The following TMOD1 variants were observed in gnomAD, a reference collection of about 807,000 sequenced individuals.
TMOD1 encodes the protein tropomodulin 1.
TMOD1 carries 17 observed loss-of-function variants against 40.6 expected under a neutral mutation model. The ratio of observed to expected loss-of-function variants is 0.42; its 90% CI spans 0.29 to 0.63. The LOEUF is 0.63. Ranked by LOEUF, TMOD1 falls within the 20% of genes least tolerant of loss-of-function variation. The pLI is 0.22. For missense variants in TMOD1, 391 were observed against 447.6 expected, an observed-to-expected ratio of 0.87 and a Z score of 1.14; for synonymous variants, 181 against 175.0, an observed-to-expected ratio of 1.03 and a Z score of -0.27.
chr9:97,579,995 A>G lies in TMOD1; in HGVS notation c.870+10958A>G, dbSNP rs1160500197. On this transcript the variant is annotated intron_variant, in intron 8 of 9. Coordinates refer to ENST00000259365, the MANE Select transcript of TMOD1 (RefSeq NM_003275.4). ...ATCTCTGTCTGCACCAGGTACCATT[A>G]TCAGACTGCCAGAGATAAACAGGCC... Among the ~76,000 whole-genome samples the G allele has an allele frequency of 2.6e-4, 40 of 152,110 alleles. 1 individual carries two copies. Among genetic ancestry groups the G allele is most frequent in the Admixed American group, 2.6e-3 (40 of 15,272 alleles).
At chr9:97,526,509 G>A (rs1045764791) in intron 2 of TMOD1, among the ~76,000 whole-genome samples, 1 of 152,140 alleles carries the variant, frequency 6.6e-6, no homozygotes, top group African/African-American at 2.4e-5. Flanking sequence ...GATAATCAAA[G>A]TTACTGAACT....
At chr9:97,552,942 C>A (rs1457237987) in intron 3 of TMOD1, among the ~76,000 whole-genome samples, 2 of 152,180 alleles carry the variant, frequency 1.3e-5, no homozygotes, top group Non-Finnish European at 2.9e-5. Context: ...GGTCTCAGAA[C>A]CTTTGGTTAA....
At chr9:97,579,350 A>G (rs1348041024) in intron 8 of TMOD1, among the ~76,000 whole-genome samples, 2 of 152,102 alleles carry the variant, frequency 1.3e-5, no homozygotes, top group Non-Finnish European at 2.9e-5. Context: ...CCGAGAGCTC[A>G]TGGTCTACAG....
intron 1 of TMOD1, among the ~76,000 whole-genome samples, chr9:97,516,981 T>C (rs1829820587): frequency 6.6e-6 from 1 of 152,098 alleles, no homozygotes; most frequent in African/African-American, 2.4e-5. Flanking sequence ...AAATGGCAAA[T>C]TTTATGTTTT....
rs1258084387 is a variant in TMOD1, at chr9:97,559,803, A to C, written c.398-2929A>C. ...AAAAAAAAAAAAAAAAAATATATATATATATATATATATATATATATGTCT... is the reference window on the plus strand; with the variant it reads ...AAAAAAAAAAAAAAAAAATATATATCTATATATATATATATATATATGTCT... On this transcript the variant is annotated intron_variant, in intron 4 of 9. Coordinates refer to ENST00000259365, the MANE Select transcript of TMOD1 (RefSeq NM_003275.4). Among the ~76,000 whole-genome samples, 130 of 30,992 alleles carry C rather than the reference A, an allele frequency of 4.2e-3. 5 individuals carry two copies. Among genetic ancestry groups the C allele is most frequent in the East Asian group, 5.2e-3 (5 of 964 alleles). 20.3% of individuals were successfully genotyped at this position (30,992 alleles called of 152,430 possible).
chr9:97,515,740 C>T (rs1829794966), intron 1 of TMOD1, among the ~76,000 whole-genome samples: 1 of 152,080 alleles, frequency 6.6e-6, no homozygotes, highest in Non-Finnish European at 1.5e-5. Flanking sequence ...ACAGGGGATC[C>T]TTAGGGGAAG....
intron 2 of TMOD1, among the ~76,000 whole-genome samples, chr9:97,529,531 C>A (rs1444401158): frequency 4.1e-5 from 6 of 146,202 alleles, no homozygotes; most frequent in African/African-American, 1.6e-4. Flanking sequence ...AACTTGTGCA[C>A]GTTAAAAAAA....
Position 97,563,167 on chromosome 9 carries a change from C to T in TMOD1, c.487+346C>T, listed in dbSNP as rs117231843. On this transcript the variant is annotated intron_variant, in intron 5 of 9. Transcript: ENST00000259365. ...CTCCTGGGCTTAAGCGATCCTCCCA[C>T]CTCTGCCTCCTGAGTAGCTGAGGCT... 1.3e-3 allele frequency among the ~76,000 whole-genome samples: 204 copies of T among 152,342 alleles called. 1 individual carries two copies. In the East Asian group the frequency reaches 0.035, roughly 26 times the overall value.
intron 1 of TMOD1, among the ~76,000 whole-genome samples, chr9:97,520,246 C>G (rs940333947): frequency 6.6e-6 from 1 of 152,018 alleles, no homozygotes; most frequent in Non-Finnish European, 1.5e-5. Context: ...CAAGGGTCAC[C>G]CAGGGAATTA....
chr9:97,563,940 C>T, intron 5 of TMOD1, 98 bp from the exon 6 acceptor site: 1 of 1,508,458 alleles, frequency 6.6e-7, no homozygotes. Flanking sequence ...CCTCACGTGC[C>T]CCAACCCTGC....
chr9:97,527,578 G>A (rs1830036449), intron 2 of TMOD1, among the ~76,000 whole-genome samples: 2 of 152,062 alleles, frequency 1.3e-5, no homozygotes, highest in South Asian at 4.2e-4. Context: ...TTGGGGATGG[G>A]AATCTTAGTG....
rs1173851019 is a variant in TMOD1 at position 97,513,546 on chromosome 9, T to A, written c.-48-10595T>A. ...GGGTGGTGGATGAAGAGAGGACGGG[T>A]GTGACATTATCCCAGGATCTCTGTG... On this transcript the variant is annotated intron_variant, in intron 1 of 9. Coordinates refer to ENST00000259365, the MANE Select transcript of TMOD1 (RefSeq NM_003275.4). This position sits in a 1 kb window ranked among gnomAD's most constrained non-coding sequence, Gnocchi z 4.1. 1 of 152,138 alleles carries A rather than the reference T, an allele frequency of 6.6e-6. No homozygotes were observed. Among genetic ancestry groups the A allele is most frequent in the Non-Finnish European group, 1.5e-5 (1 of 68,068 alleles). The allele number at this position is 152,138 out of a possible 1,614,324, so 9.4% of individuals were successfully genotyped here. A position where few individuals can be genotyped will look rare whatever the true frequency, so the allele number is the denominator to read the frequency against.
At chr9:97,553,135 A>T (rs1830477950) in intron 3 of TMOD1, 146 bp from the exon 4 acceptor site, 6 of 1,047,022 alleles carry the variant, frequency 5.7e-6, no homozygotes, top group Non-Finnish European at 8.3e-6. Context: ...TCTTTGGAGA[A>T]GTTGGTCCCC....
rs778130948 is a variant in TMOD1, at chr9:97,591,297, C to T, written c.877C>T (p.Pro293Ser). The T allele has an allele frequency of 5.6e-6, 9 of 1,613,768 alleles. No individual in the cohort carries two copies. Among genetic ancestry groups the T allele is most frequent in the South Asian group, 1.1e-5 (1 of 90,992 alleles). The change falls in exon 9 of 10, where the codon CCC becomes TCC. Residue 293 changes from proline to serine, a missense_variant. Coordinates refer to ENST00000259365, the MANE Select transcript of TMOD1 (RefSeq NM_003275.4). Reference sequence around the variant, plus strand: ...TATTTTTTCTTGACTAAAGAGCCAGCCCCTGGGCAACAAAGTGGAAATGGA... The same window carrying T: ...TATTTTTTCTTGACTAAAGAGCCAGTCCCTGGGCAACAAAGTGGAAATGGA... ...VEMKIDNQSQPLGNKVEMEIV... is the reference protein window; with the variant it reads ...VEMKIDNQSQSLGNKVEMEIV...
intron 8 of TMOD1, among the ~76,000 whole-genome samples, chr9:97,579,926 G>T (rs1220828222): frequency 6.6e-6 from 1 of 152,182 alleles, no homozygotes; most frequent in Non-Finnish European, 1.5e-5. Flanking sequence ...TTACAGGGAG[G>T]CTAAAAGCAT....
intron 3 of TMOD1, among the ~76,000 whole-genome samples, chr9:97,547,953 A>G (rs1246151045): frequency 6.6e-6 from 1 of 152,206 alleles, no homozygotes; most frequent in African/African-American, 2.4e-5. Context: ...CTAAAATTAA[A>G]TAAATGTTTA....
intron 1 of TMOD1, among the ~76,000 whole-genome samples, chr9:97,523,811 G>A (rs539282601): frequency 1.3e-5 from 2 of 152,160 alleles, no homozygotes; most frequent in East Asian, 3.9e-4. Context: ...GTGAAGGGTG[G>A]AGAGTTACAC....
At chr9:97,508,543 G>A (rs1288900532) in intron 1 of TMOD1, among the ~76,000 whole-genome samples, 5 of 152,154 alleles carry the variant, frequency 3.3e-5, no homozygotes, top group Non-Finnish European at 7.3e-5. Flanking sequence ...GGGTTGTTGT[G>A]GGGATGAAAT....
rs753211908 is a variant in TMOD1 at position 97,565,858 on chromosome 9, T to C, written c.629T>C (p.Ile210Thr). 6.2e-7 allele frequency: 1 copy of C among 1,613,798 alleles called. No homozygotes were observed. Among genetic ancestry groups the C allele is most frequent in the Admixed American group, 1.7e-5 (1 of 60,014 alleles). ...CCTTTCTTTGTGCAGAATATCCCCA[T>C]CCCCACCCTCAAGGCATATGCAGAA... ...VNLNNIRNIP[I>T]PTLKAYAEAL... is the part of the protein sequence containing the mutation. Residue 210 changes from isoleucine (I) to threonine (T), a missense_variant, in exon 7 of 10, where the codon ATC becomes ACC. By Grantham distance (89) the Ile-to-Thr change is moderately conservative. Transcript: ENST00000259365.
Sources: gnomAD v4.1 joint callset for allele counts (sites outside exome capture counted in the v4.1 genomes callset) on GRCh38, gnomAD v4.1.1 for gene constraint, Gnocchi (gnomAD v3.1) non-coding constraint, MANE v1.5 for transcripts, NCBI Gene and HGNC (gene_info 2026-07-23, HGNC 2026-07-21) for gene names.